FGF12: variants seen among roughly 807,000 people sequenced by gnomAD.
The protein encoded by FGF12 is fibroblast growth factor 12.
Under a neutral mutation model 23.6 loss-of-function variants are expected in FGF12, and 14 were observed. The ratio of observed to expected loss-of-function variants is 0.59; its 90% CI spans 0.39 to 0.93. The LOEUF is 0.93. FGF12 is among the 40% of genes least tolerant of loss of function. FGF12 has a pLI of 0.00. For synonymous variants in FGF12, 62 were observed against 77.3 expected (o/e 0.80, Z 1.04); for missense variants, 175 against 217.8 (o/e 0.80, Z 1.24).
intron 2 of FGF12, among the ~76,000 whole-genome samples, chr3:192,597,241 A>G (rs1713895075): frequency 6.6e-6 from 1 of 152,176 alleles, no homozygotes; most frequent in African/African-American, 2.4e-5. Flanking sequence ...ATATTGAGTG[A>G]AGTGTTATTA....
At chr3:192,422,728 T>G (rs777572803) in intron 2 of FGF12, among the ~76,000 whole-genome samples, 9 of 152,192 alleles carry the variant, frequency 5.9e-5, no homozygotes, top group Non-Finnish European at 1.0e-4. Context: ...CAAAAAAAAG[T>G]AACTTGGCTA....
At chr3:192,168,143 C>T (rs924536852) in intron 5 of FGF12, among the ~76,000 whole-genome samples, 2 of 151,938 alleles carry the variant, frequency 1.3e-5, no homozygotes, top group Admixed American at 6.6e-5. Flanking sequence ...AAACACAACA[C>T]GTGGATTTCT....
At chr3:192,661,332 A>G (rs890792081) in intron 2 of FGF12, among the ~76,000 whole-genome samples, 6 of 152,240 alleles carry the variant, frequency 3.9e-5, no homozygotes, top group East Asian at 1.9e-4. Context: ...GACCAGCCTG[A>G]CCAACAGGGT....
chr3:192,192,462 C>G (rs1315470495), intron 4 of FGF12, among the ~76,000 whole-genome samples: 1 of 147,140 alleles, frequency 6.8e-6, no homozygotes, highest in Non-Finnish European at 1.5e-5. Context: ...AATTATATTA[C>G]ATATAATAAA....
At chr3:192,225,610 T>C (rs900184971) in intron 4 of FGF12, among the ~76,000 whole-genome samples, 3 of 152,130 alleles carry the variant, frequency 2.0e-5, no homozygotes, top group East Asian at 3.8e-4. Flanking sequence ...CTACTTTATA[T>C]ATATATAAGA....
At chr3:192,197,946 C>CAA (rs11328919) in intron 4 of FGF12, among the ~76,000 whole-genome samples, 718 of 48,512 alleles carry the variant, frequency 0.015, 1 homozygote, top group Middle Eastern at 0.03. Flanking sequence ...AATTCCTCCT[C>CAA]AAAAAAAAAA....
At chr3:192,378,094 C>A (rs1246782526) in intron 2 of FGF12, among the ~76,000 whole-genome samples, 1 of 67,158 alleles carries the variant, frequency 1.5e-5, no homozygotes, top group Non-Finnish European at 3.0e-5. Flanking sequence ...TTCTTTCTTT[C>A]TTCTTTCTTT....
intron 4 of FGF12, among the ~76,000 whole-genome samples, chr3:192,319,992 C>A (rs1041949623): frequency 6.6e-6 from 1 of 152,136 alleles, no homozygotes; most frequent in Admixed American, 6.5e-5. Context: ...GAACAAAATT[C>A]CTTCTTTATC....
At chr3:192,466,978 T>C (rs1240665796) in intron 2 of FGF12, among the ~76,000 whole-genome samples, 1 of 152,220 alleles carries the variant, frequency 6.6e-6, no homozygotes, top group Non-Finnish European at 1.5e-5. Context: ...TCTGCCTTTT[T>C]TTAGGGTTAA....
At chr3:192,400,936 C>A (rs1386665901) in intron 2 of FGF12, among the ~76,000 whole-genome samples, 1 of 152,158 alleles carries the variant, frequency 6.6e-6, no homozygotes, top group African/African-American at 2.4e-5. Context: ...CAGTGGTTCT[C>A]AAACTTTTTG....
intron 2 of FGF12, among the ~76,000 whole-genome samples, chr3:192,525,522 C>T (rs186904202): frequency 2.0e-5 from 3 of 152,260 alleles, no homozygotes; most frequent in Admixed American, 2.0e-4. Context: ...AGGCCCTGAT[C>T]ACATCTTGCC....
intron 3 of FGF12, among the ~76,000 whole-genome samples, chr3:192,344,030 G>C (rs1476689144): frequency 6.6e-6 from 1 of 152,122 alleles, no homozygotes; most frequent in Non-Finnish European, 1.5e-5. Context: ...TCTGCAATCA[G>C]ACCTTGGCGA....
intron 2 of FGF12, among the ~76,000 whole-genome samples, chr3:192,594,797 C>T (rs1434759203): frequency 6.6e-6 from 1 of 151,862 alleles, no homozygotes; most frequent in Non-Finnish European, 1.5e-5. Flanking sequence ...TCTTAGACTT[C>T]CCAGTCTCCA....
At chr3:192,439,043 C>T (rs989179193) in intron 2 of FGF12, among the ~76,000 whole-genome samples, 2 of 152,174 alleles carry the variant, frequency 1.3e-5, no homozygotes, top group African/African-American at 2.4e-5. Context: ...CTGAAAATTA[C>T]CCAAGACATT....
intron 2 of FGF12, among the ~76,000 whole-genome samples, chr3:192,528,479 C>T (rs1387770181): frequency 6.6e-6 from 1 of 152,128 alleles, no homozygotes; most frequent in Non-Finnish European, 1.5e-5. Context: ...TGTGTGTCTG[C>T]AGCTTTTCTA....
rs569624870 is a variant in FGF12 at position 192,557,077 on chromosome 3, T to C, written c.13+170104A>G. On this transcript the variant is annotated intron_variant, in intron 2 of 5. Transcript: ENST00000445105. ...AAAGCAGCCGTAAGAGGGAGTTTTA[T>C]GTCAGTAAATGCCTGCAATAAGAAA... Among the ~76,000 whole-genome samples the C allele has an allele frequency of 6.6e-5, 10 of 152,028 alleles. No individual in the cohort carries two copies. In the South Asian group the frequency reaches 2.1e-3, roughly 32 times the overall value.
chr3:192,531,537 T>C (rs1725090086), intron 2 of FGF12, among the ~76,000 whole-genome samples: 1 of 152,174 alleles, frequency 6.6e-6, no homozygotes, highest in African/African-American at 2.4e-5. Flanking sequence ...AAAAGAGGTT[T>C]GGGTATTTTT....
At chr3:192,259,773 G>A (rs1490235606) in intron 4 of FGF12, among the ~76,000 whole-genome samples, 2 of 152,086 alleles carry the variant, frequency 1.3e-5, no homozygotes, top group African/African-American at 4.8e-5. Context: ...AGTGGAAATA[G>A]TTTAACTTTA....
At chr3:192,269,171 TGTCC>T (rs1713270384) in intron 4 of FGF12, among the ~76,000 whole-genome samples, 2 of 51,594 alleles carry the variant, frequency 3.9e-5, no homozygotes, top group African/African-American at 1.5e-4. Context: ...AGCCTTGTCC[TGTCC>T]TCTCAAAGTG....
Sources: gnomAD v4.1 joint callset for allele counts (sites outside exome capture counted in the v4.1 genomes callset) on GRCh38, gnomAD v4.1.1 for gene constraint, MANE v1.5 for transcripts, NCBI Gene and HGNC (gene_info 2026-07-23, HGNC 2026-07-21) for gene names.